DCP1A: variants seen among roughly 807,000 people sequenced by gnomAD.
DCP1A encodes the protein mRNA-decapping enzyme 1A.
Under a neutral mutation model 58.0 loss-of-function variants are expected in DCP1A, and 20 were observed. The ratio of observed to expected loss-of-function variants is 0.34; its 90% CI spans 0.24 to 0.50. DCP1A has a LOEUF of 0.50. Among genes scored for constraint, DCP1A ranks in the 20% least tolerant of loss-of-function variants. The pLI, the probability that DCP1A is intolerant of heterozygous loss-of-function variation, is 0.98. For synonymous variants in DCP1A, 285 were observed against 275.1 expected (o/e 1.04, Z -0.36); for missense variants, 613 against 712.2 (o/e 0.86, Z 1.59).
chr3:53,317,937 T>C (rs1482662648), intron 4 of DCP1A, among the ~76,000 whole-genome samples: 2 of 152,232 alleles, frequency 1.3e-5, no homozygotes, highest in Non-Finnish European at 2.9e-5. Context: ...TTAGTAGTCT[T>C]AGATCACAAC....
chr3:53,333,149 T>TG (rs1257102535), intron 3 of DCP1A: 4 of 151,702 alleles, frequency 2.6e-5, no homozygotes, highest in African/African-American at 7.3e-5. Context: ...TTTGGTTTTT[T>TG]TTTTTTTTTT....
intron 3 of DCP1A, among the ~76,000 whole-genome samples, chr3:53,332,589 G>A (rs2089026339): frequency 6.6e-6 from 1 of 152,110 alleles, no homozygotes; most frequent in Non-Finnish European, 1.5e-5. Context: ...TCTAGGCCGG[G>A]CGCGGTGGCT....
At chr3:53,332,848 ACTC>A (rs1366689599) in intron 3 of DCP1A, among the ~76,000 whole-genome samples, 1 of 148,808 alleles carries the variant, frequency 6.7e-6, no homozygotes, top group Non-Finnish European at 1.5e-5. Context: ...ACAAAGCAAG[ACTC>A]CGTTTCAAAA....
In DCP1A at chr3:53,318,536, T is replaced by C. The variant is rs139114262; in HGVS notation, c.371+871A>G. On this transcript the variant is annotated intron_variant, in intron 4 of 9. Transcript: ENST00000610213. ...ACCAGAATATACCGTCTACCTATTA[T>C]AGCATTTTGCCCAGAGCTCTGTAGT... Among the ~76,000 whole-genome samples the C allele has an allele frequency of 3.3e-3, 507 of 152,218 alleles. 1 individual carries two copies. Among genetic ancestry groups the C allele is most frequent in the African/African-American group, 0.012 (493 of 41,548 alleles).
intron 4 of DCP1A, among the ~76,000 whole-genome samples, chr3:53,316,424 T>C (rs1278416374): frequency 6.6e-6 from 1 of 152,066 alleles, no homozygotes; most frequent in Non-Finnish European, 1.5e-5. Flanking sequence ...CACCAGGGTA[T>C]TCTCTAATCA....
Position 53,287,977 on chromosome 3 carries a change from C to A in DCP1A, c.1668+88G>T, listed in dbSNP as rs1297767424. On this transcript the variant is annotated intron_variant, in intron 9 of 9. Transcript: ENST00000610213. Reference sequence around the variant, plus strand: ...GCCTCCAGCTAGTCTTTTGAATTTACTTTATGAACTGATTCTGTAAGAGGA... The same window carrying A: ...GCCTCCAGCTAGTCTTTTGAATTTAATTTATGAACTGATTCTGTAAGAGGA... The A allele has an allele frequency of 3.0e-6, 4 of 1,321,032 alleles. No individual in the cohort carries two copies. The Admixed American group carries it at 8.7e-5, about 29-fold the overall frequency. 81.8% of individuals were successfully genotyped at this position (1,321,032 alleles called of 1,614,324 possible). A position where few individuals can be genotyped will look rare whatever the true frequency, so the allele number is the denominator to read the frequency against.
chr3:53,311,884 A>C (rs1333344295), intron 5 of DCP1A, among the ~76,000 whole-genome samples: 4 of 152,166 alleles, frequency 2.6e-5, no homozygotes, highest in Non-Finnish European at 4.4e-5. Flanking sequence ...CCTGCCAAAA[A>C]CAAGTAATCT....
At chr3:53,298,792 G>A (rs1309923473) in intron 6 of DCP1A, among the ~76,000 whole-genome samples, 1 of 152,198 alleles carries the variant, frequency 6.6e-6, no homozygotes, top group Non-Finnish European at 1.5e-5. Context: ...ACTATCATTT[G>A]GCACAAACCA....
At chr3:53,307,916 T>C (rs1707523942) in intron 5 of DCP1A, among the ~76,000 whole-genome samples, 1 of 152,200 alleles carries the variant, frequency 6.6e-6, no homozygotes, top group African/African-American at 2.4e-5. Context: ...AATACACAGC[T>C]ATAAATATCA....
At chr3:53,316,171 T>C (rs1707807095) in intron 4 of DCP1A, among the ~76,000 whole-genome samples, 1 of 152,216 alleles carries the variant, frequency 6.6e-6, no homozygotes, top group South Asian at 2.1e-4. Flanking sequence ...TTTATATGTA[T>C]AATATACTAA....
intron 4 of DCP1A, among the ~76,000 whole-genome samples, chr3:53,313,579 C>T (rs782748614): frequency 6.6e-6 from 1 of 152,048 alleles, no homozygotes; most frequent in Non-Finnish European, 1.5e-5. Flanking sequence ...TTTCTTCAAG[C>T]TTTCAAGCTT....
chr3:53,314,911 A>G (rs1707757071), intron 4 of DCP1A, among the ~76,000 whole-genome samples: 1 of 151,890 alleles, frequency 6.6e-6, no homozygotes, highest in African/African-American at 2.4e-5. Context: ...ACCTCAAGTG[A>G]TCTGACCACC....
At chr3:53,337,788 T>C (rs1270223105) in intron 3 of DCP1A, among the ~76,000 whole-genome samples, 1 of 152,246 alleles carries the variant, frequency 6.6e-6, no homozygotes, top group Admixed American at 6.5e-5. Context: ...CATGAGCTCA[T>C]GCTGAGACTT....
chr3:53,307,461 C>T (rs782261034), intron 5 of DCP1A, among the ~76,000 whole-genome samples: 5 of 152,210 alleles, frequency 3.3e-5, no homozygotes, highest in Admixed American at 6.5e-5. Context: ...CAGTTCCACC[C>T]GGCCTGCTTT....
At chr3:53,332,131 T>C (rs549004690) in intron 3 of DCP1A, among the ~76,000 whole-genome samples, 189 of 152,298 alleles carry the variant, frequency 1.2e-3, no homozygotes, top group Non-Finnish European at 2.3e-3. Context: ...GGAGACAAGT[T>C]TCCCTTGAAG....
At chr3:53,336,815 G>A (rs141793910) in intron 3 of DCP1A, among the ~76,000 whole-genome samples, 1 of 151,922 alleles carries the variant, frequency 6.6e-6, no homozygotes, top group Non-Finnish European at 1.5e-5. Context: ...TATTTTTTAG[G>A]AAGACATCTT....
intron 5 of DCP1A, among the ~76,000 whole-genome samples, chr3:53,306,493 G>A (rs1282729100): frequency 6.6e-6 from 1 of 152,146 alleles, no homozygotes; most frequent in African/African-American, 2.4e-5. Context: ...GAGGCAGGAA[G>A]ATCACTTGAG....
intron 3 of DCP1A, among the ~76,000 whole-genome samples, chr3:53,330,312 G>A (rs1302638907): frequency 6.6e-6 from 1 of 152,056 alleles, no homozygotes; most frequent in Non-Finnish European, 1.5e-5. Context: ...TGGGAAGATC[G>A]CTTGAGGCCA....
At chr3:53,293,086 C>T (rs1338158016) in intron 6 of DCP1A, among the ~76,000 whole-genome samples, 4 of 152,114 alleles carry the variant, frequency 2.6e-5, no homozygotes, top group Non-Finnish European at 5.9e-5. Flanking sequence ...ATTCACCATT[C>T]TTTTTCTTGG....
Sources: gnomAD v4.1 joint callset for allele counts (sites outside exome capture counted in the v4.1 genomes callset) on GRCh38, gnomAD v4.1.1 for gene constraint, MANE v1.5 for transcripts, NCBI Gene and HGNC (gene_info 2026-07-23, HGNC 2026-07-21) for gene names.